The following CNTN5 variants were observed in gnomAD, a reference collection of about 807,000 sequenced individuals.
CNTN5 encodes the protein contactin-5.
Under a neutral mutation model 129.1 loss-of-function variants are expected in CNTN5, and 77 were observed. The observed-to-expected ratio is 0.60, with a 90% CI of 0.50 to 0.72. CNTN5 has a LOEUF of 0.72. Ranked by LOEUF, CNTN5 falls within the 30% of genes least tolerant of loss-of-function variation. The pLI is 0.00. For synonymous variants in CNTN5, 509 were observed against 465.6 expected (o/e 1.09, Z -1.20); for missense variants, 1,478 against 1,328.8 (o/e 1.11, Z -1.75).
chr11:99,969,237 GA>G (rs777061509), intron 8 of CNTN5, among the ~76,000 whole-genome samples: 1 of 152,096 alleles, frequency 6.6e-6, no homozygotes, highest in Non-Finnish European at 1.5e-5. Context: ...ATAACAAGAT[GA>G]ATTTGCTAAA....
At chr11:99,251,698 A>G (rs993117028) in intron 1 of CNTN5, among the ~76,000 whole-genome samples, 3 of 151,998 alleles carry the variant, frequency 2.0e-5, no homozygotes, top group Non-Finnish European at 4.4e-5. Flanking sequence ...TGGACGTACA[A>G]ATATGTAGCC....
At chr11:100,291,795 T>C (rs1319888545) in intron 18 of CNTN5, among the ~76,000 whole-genome samples, 1 of 138,750 alleles carries the variant, frequency 7.2e-6, no homozygotes, top group Non-Finnish European at 1.6e-5. Context: ...ATAAAAAATA[T>C]AAATAAATAA....
intron 1 of CNTN5, among the ~76,000 whole-genome samples, chr11:99,061,182 C>G (rs1864860100): frequency 6.6e-6 from 1 of 152,136 alleles, no homozygotes; most frequent in Non-Finnish European, 1.5e-5. Flanking sequence ...AATGACTTTT[C>G]CTTTGATGGC....
intron 16 of CNTN5, among the ~76,000 whole-genome samples, chr11:100,238,350 C>G (rs1048741134): frequency 8.6e-5 from 12 of 140,180 alleles, no homozygotes; most frequent in Non-Finnish European, 7.5e-5. Context: ...CACTCTGGCA[C>G]TAACTAAATA....
intron 23 of CNTN5, among the ~76,000 whole-genome samples, chr11:100,343,285 T>C (rs1429550478): frequency 6.6e-6 from 1 of 152,246 alleles, no homozygotes; most frequent in Non-Finnish European, 1.5e-5. Context: ...TTTTATTTTC[T>C]TGAAATGGTT....
At chr11:100,071,600 C>A in intron 11 of CNTN5, 105 bp from the exon 12 acceptor site, 1 of 706,560 alleles carries the variant, frequency 1.4e-6, no homozygotes. Context: ...TAATGTTTAA[C>A]TGTATTAATT....
chr11:99,153,260 C>T, intron 1 of CNTN5, among the ~76,000 whole-genome samples: 1 of 152,134 alleles, frequency 6.6e-6, no homozygotes, highest in East Asian at 1.9e-4. Context: ...TGCTTTCTTT[C>T]TTCTTTCAGT....
intron 2 of CNTN5, among the ~76,000 whole-genome samples, chr11:99,369,178 A>G (rs1318450066): frequency 1.5e-5 from 2 of 137,632 alleles, no homozygotes; most frequent in African/African-American, 2.7e-5. Context: ...TTATATATAT[A>G]TAATATATAT....
At chr11:99,306,176 A>G (rs978998437) in intron 1 of CNTN5, among the ~76,000 whole-genome samples, 27 of 152,286 alleles carry the variant, frequency 1.8e-4, no homozygotes, top group Middle Eastern at 3.4e-3. Flanking sequence ...AAGATAAGCA[A>G]AATGATATTA....
chr11:99,444,385 C>A lies in CNTN5; in HGVS notation c.-70-111760C>A, dbSNP rs576287840. Among the ~76,000 whole-genome samples the A allele has an allele frequency of 2.3e-4, 35 of 152,170 alleles. 1 individual carries two copies. In the South Asian group the frequency reaches 2.7e-3, roughly 12 times the overall value. ...GCTTCTGTGACATTGTGATGTTTAA[C>A]AAACAAGCAAATATCCTAGTTAAAA... On this transcript the variant is annotated intron_variant, in intron 2 of 24. Transcript: ENST00000524871.
intron 15 of CNTN5, 27 bp downstream of exon 15, chr11:100,193,690 AG>A: frequency 6.3e-7 from 1 of 1,589,336 alleles, no homozygotes; most frequent in East Asian, 2.3e-5. Context: ...TTATTCTTTT[AG>A]TAATGATAAC....
intron 21 of CNTN5, among the ~76,000 whole-genome samples, chr11:100,336,033 A>G (rs1952031894): frequency 6.6e-6 from 1 of 152,228 alleles, no homozygotes; most frequent in African/African-American, 2.4e-5. Context: ...GAGCTCTCTA[A>G]AAATCATTCA....
chr11:99,393,668 G>A (rs956664407), intron 2 of CNTN5, among the ~76,000 whole-genome samples: 4 of 151,758 alleles, frequency 2.6e-5, no homozygotes, highest in African/African-American at 9.6e-5. Context: ...CTTTTTACTG[G>A]CTTCTCATTC....
At chr11:99,747,824 T>C (rs1010173102) in intron 3 of CNTN5, among the ~76,000 whole-genome samples, 6 of 152,212 alleles carry the variant, frequency 3.9e-5, no homozygotes, top group Non-Finnish European at 8.8e-5. Flanking sequence ...TTTTTCATCA[T>C]TGAGTGTGAT....
At chr11:99,938,556 T>C (rs1294487399) in intron 7 of CNTN5, among the ~76,000 whole-genome samples, 1 of 152,048 alleles carries the variant, frequency 6.6e-6, no homozygotes, top group Non-Finnish European at 1.5e-5. Context: ...CCATGGTAAA[T>C]GGGAGAAAAT....
intron 8 of CNTN5, among the ~76,000 whole-genome samples, chr11:99,999,229 A>G (rs1420141293): frequency 6.6e-6 from 1 of 152,214 alleles, no homozygotes; most frequent in East Asian, 1.9e-4. Flanking sequence ...AACCAATAAA[A>G]TGGGAGAAAA....
At chr11:99,064,577 A>T (rs143323456) in intron 1 of CNTN5, among the ~76,000 whole-genome samples, 3 of 152,232 alleles carry the variant, frequency 2.0e-5, no homozygotes, top group Non-Finnish European at 4.4e-5. Context: ...ATGACTGTGA[A>T]TGCCTCCATC....
intron 6 of CNTN5, among the ~76,000 whole-genome samples, chr11:99,852,492 A>T (rs961545656): frequency 3.3e-5 from 5 of 152,236 alleles, no homozygotes; most frequent in Admixed American, 1.3e-4. Context: ...TTATACTTTT[A>T]AAGCAAATTA....
At chr11:100,130,692 A>C (rs1946345384) in intron 13 of CNTN5, among the ~76,000 whole-genome samples, 1 of 152,038 alleles carries the variant, frequency 6.6e-6, no homozygotes, top group Non-Finnish European at 1.5e-5. Context: ...GAGGCATGCT[A>C]TTCTCCTAGA....
Sources: allele counts gnomAD v4.1 joint callset (sites outside exome capture counted in the v4.1 genomes callset), GRCh38; gene constraint gnomAD v4.1.1; transcripts MANE v1.5; gene names NCBI Gene and HGNC (gene_info 2026-07-23, HGNC 2026-07-21).